TBC1D4: variants seen among roughly 807,000 people sequenced by gnomAD.
TBC1D4 encodes TBC1 domain family member 4.
In TBC1D4, 121 loss-of-function variants were observed where a neutral mutation model predicts 142.5. The observed-to-expected ratio is 0.85, with a 90% CI of 0.73 to 0.99. The LOEUF is 0.99. Ranked by LOEUF, TBC1D4 falls within the 50% of genes least tolerant of loss-of-function variation. The pLI is 0.00. For missense variants in TBC1D4, 1,475 were observed against 1,606.6 expected (o/e 0.92, Z 1.40); for synonymous variants, 630 against 628.2 (o/e 1.00, Z -0.04).
intron 5 of TBC1D4, among the ~76,000 whole-genome samples, chr13:75,345,837 C>T (rs909529457): frequency 1.3e-5 from 2 of 152,180 alleles, no homozygotes; most frequent in African/African-American, 4.8e-5. Context: ...TAAGTGATAG[C>T]TCCCCTATAG....
chr13:75,302,454 T>C (rs1460387733), intron 15 of TBC1D4, 53 bp from the exon 16 acceptor site: 13 of 1,606,996 alleles, frequency 8.1e-6, no homozygotes, highest in African/African-American at 1.3e-5. Context: ...ATGAAGTTGA[T>C]AGATCCCAGC....
At chr13:75,476,734 C>G (rs571941205) in intron 1 of TBC1D4, among the ~76,000 whole-genome samples, 14 of 152,206 alleles carry the variant, frequency 9.2e-5, no homozygotes, top group Non-Finnish European at 1.3e-4. Flanking sequence ...AATGGTCATA[C>G]AGCCAACCAA....
chr13:75,445,856 A>G (rs370528709), intron 1 of TBC1D4, among the ~76,000 whole-genome samples: 4 of 152,350 alleles, frequency 2.6e-5, no homozygotes, highest in Middle Eastern at 3.4e-3. Flanking sequence ...CCGATTCAAC[A>G]AGCCTGAGTC....
At chr13:75,476,330 GT>G (rs1325960055) in intron 1 of TBC1D4, among the ~76,000 whole-genome samples, 36 of 152,130 alleles carry the variant, frequency 2.4e-4, no homozygotes, top group African/African-American at 8.2e-4. Flanking sequence ...TATACAATAT[GT>G]TTAATAATTT....
chr13:75,374,138 G>A (rs575865352), intron 1 of TBC1D4, among the ~76,000 whole-genome samples: 29 of 152,236 alleles, frequency 1.9e-4, no homozygotes, highest in African/African-American at 6.7e-4. Flanking sequence ...CCACCTGGAA[G>A]CAGGAGCTGT....
At chr13:75,289,968 A>G (rs1272413994) in intron 19 of TBC1D4, among the ~76,000 whole-genome samples, 1 of 152,204 alleles carries the variant, frequency 6.6e-6, no homozygotes, top group African/African-American at 2.4e-5. Flanking sequence ...TTTTAATAAG[A>G]GAATTTCTAG....
At chr13:75,386,857 A>G (rs890421861) in intron 1 of TBC1D4, among the ~76,000 whole-genome samples, 3 of 152,178 alleles carry the variant, frequency 2.0e-5, no homozygotes, top group Admixed American at 6.5e-5. Flanking sequence ...TTCTAAACAA[A>G]AAGTTTTGTG....
intron 8 of TBC1D4, among the ~76,000 whole-genome samples, chr13:75,329,854 A>G (rs1879602357): frequency 6.6e-6 from 1 of 152,206 alleles, no homozygotes; most frequent in African/African-American, 2.4e-5. Context: ...TTGTTTCAGA[A>G]GTCTAAAGCC....
intron 1 of TBC1D4, among the ~76,000 whole-genome samples, chr13:75,386,731 TA>T (rs545736178): frequency 6.6e-6 from 1 of 151,788 alleles, no homozygotes; most frequent in Non-Finnish European, 1.5e-5. Flanking sequence ...CAAGTACAAA[TA>T]AAAAAAACAC....
At chr13:75,410,935 C>CAAAAAAAAAAA (rs60172018) in intron 1 of TBC1D4, among the ~76,000 whole-genome samples, 5 of 63,236 alleles carry the variant, frequency 7.9e-5, no homozygotes, top group African/African-American at 2.0e-4. Context: ...GACTCCGTCT[C>CAAAAAAAAAAA]AAAAAAAAAA....
At chr13:75,287,124 ATAT>A (rs1874768215) in intron 20 of TBC1D4, 99 bp from the exon 21 acceptor site, 1 of 997,924 alleles carries the variant, frequency 1.0e-6, no homozygotes, top group Non-Finnish European at 1.5e-6. Context: ...ACTTAATAAA[ATAT>A]TATGTGAAGC....
chr13:75,356,691 C>T (rs1486262824), intron 3 of TBC1D4, among the ~76,000 whole-genome samples: 1 of 151,898 alleles, frequency 6.6e-6, no homozygotes, highest in East Asian at 1.9e-4. Flanking sequence ...TATGGAATTC[C>T]CTAAAGTATG....
At chr13:75,416,124 T>C (rs547127027) in intron 1 of TBC1D4, among the ~76,000 whole-genome samples, 1 of 152,212 alleles carries the variant, frequency 6.6e-6, no homozygotes, top group Non-Finnish European at 1.5e-5. Flanking sequence ...AGACAAATAT[T>C]GTGGCATTCT....
At chr13:75,341,916 T>A (rs1367970415) in intron 5 of TBC1D4, among the ~76,000 whole-genome samples, 4 of 152,222 alleles carry the variant, frequency 2.6e-5, no homozygotes, top group South Asian at 2.1e-4. Flanking sequence ...CTAGTTCTCA[T>A]TCAGTACTGC....
chr13:75,480,961 G>A (rs1256683279), intron 1 of TBC1D4, among the ~76,000 whole-genome samples: 1 of 152,094 alleles, frequency 6.6e-6, no homozygotes, highest in East Asian at 1.9e-4. Context: ...CCCGGGACGG[G>A]CGCTCCTCCA....
chr13:75,343,110 C>G (rs1342088086), intron 5 of TBC1D4, among the ~76,000 whole-genome samples: 1 of 152,178 alleles, frequency 6.6e-6, no homozygotes, highest in African/African-American at 2.4e-5. Flanking sequence ...GTGCACTTTT[C>G]TCATTGTATT....
chr13:75,359,922 C>A (rs1882364054), intron 2 of TBC1D4, 64 bp from the exon 3 acceptor site: 2 of 1,276,358 alleles, frequency 1.6e-6, no homozygotes, highest in South Asian at 1.2e-5. Flanking sequence ...ACTTTATAAC[C>A]AAATATTAAA....
rs147459637 is a variant in TBC1D4 at position 75,380,424 on chromosome 13, G to A, written c.499-17817C>T. Among the ~76,000 whole-genome samples, 10 of 151,406 alleles carry A rather than the reference G, an allele frequency of 6.6e-5. No homozygotes were observed. In the South Asian group the frequency reaches 8.3e-4, roughly 13 times the overall value. Reference sequence around the variant, plus strand: ...GGAGGTGGAGGTTGCAGTGGGCCGCGATCACGCCATTGCATTCAAGTCTGG... The same window carrying A: ...GGAGGTGGAGGTTGCAGTGGGCCGCAATCACGCCATTGCATTCAAGTCTGG... On this transcript the variant is annotated intron_variant, in intron 1 of 20. Coordinates refer to ENST00000377636, the MANE Select transcript of TBC1D4 (RefSeq NM_014832.5).
intron 4 of TBC1D4, among the ~76,000 whole-genome samples, chr13:75,353,868 G>A (rs1881820505): frequency 6.6e-6 from 1 of 152,158 alleles, no homozygotes; most frequent in Non-Finnish European, 1.5e-5. Flanking sequence ...AGTATGAAAG[G>A]CAGCAAGCCC....
Sources: gnomAD v4.1 joint callset for allele counts (sites outside exome capture counted in the v4.1 genomes callset) on GRCh38, gnomAD v4.1.1 for gene constraint, MANE v1.5 for transcripts, NCBI Gene and HGNC (gene_info 2026-07-23, HGNC 2026-07-21) for gene names.